The following GUCY1A2 variants were observed in gnomAD, a reference collection of about 807,000 sequenced individuals.
GUCY1A2 encodes the protein guanylate cyclase soluble subunit alpha-2.
Under a neutral mutation model 63.5 loss-of-function variants are expected in GUCY1A2, and 27 were observed. The ratio of observed to expected loss-of-function variants is 0.43; its 90% CI spans 0.31 to 0.59. The LOEUF (loss-of-function observed/expected upper bound fraction) is 0.59, where lower values mean the gene tolerates loss of function less well. GUCY1A2 is among the 20% of genes least tolerant of loss of function. The pLI, the probability that GUCY1A2 is intolerant of heterozygous loss-of-function variation, is 0.11. For synonymous variants in GUCY1A2, 364 were observed against 343.5 expected, an observed-to-expected ratio of 1.06 and a Z score of -0.66; for missense variants, 768 against 913.3, an observed-to-expected ratio of 0.84 and a Z score of 2.05.
intron 7 of GUCY1A2, among the ~76,000 whole-genome samples, chr11:106,698,831 G>A (rs910844990): frequency 6.6e-6 from 1 of 152,074 alleles, no homozygotes; most frequent in Non-Finnish European, 1.5e-5. Flanking sequence ...GGCAGAACAG[G>A]AATATGAAAT....
intron 4 of GUCY1A2, among the ~76,000 whole-genome samples, chr11:106,913,849 A>G (rs901744833): frequency 6.6e-6 from 1 of 152,052 alleles, no homozygotes; most frequent in Non-Finnish European, 1.5e-5. Flanking sequence ...CTTATGCTTG[A>G]AGGCCAAAGT....
chr11:106,878,737 T>C (rs1859784514), intron 4 of GUCY1A2, among the ~76,000 whole-genome samples: 1 of 150,476 alleles, frequency 6.6e-6, no homozygotes, highest in African/African-American at 2.5e-5. Flanking sequence ...TGATATGAGT[T>C]TACCTATATA....
intron 6 of GUCY1A2, among the ~76,000 whole-genome samples, chr11:106,756,389 C>T (rs1292813028): frequency 6.6e-6 from 1 of 152,080 alleles, no homozygotes; most frequent in Non-Finnish European, 1.5e-5. Context: ...ATTTTGTCCT[C>T]ATGATGCTAG....
intron 4 of GUCY1A2, among the ~76,000 whole-genome samples, chr11:106,817,233 T>C (rs1160719648): frequency 3.3e-5 from 5 of 152,082 alleles, no homozygotes; most frequent in African/African-American, 9.7e-5. Flanking sequence ...ACAATCACAA[T>C]ATGAATTTTC....
intron 5 of GUCY1A2, among the ~76,000 whole-genome samples, chr11:106,789,562 C>G (rs1404488342): frequency 6.6e-6 from 1 of 152,154 alleles, no homozygotes; most frequent in Non-Finnish European, 1.5e-5. Flanking sequence ...TCACTTGTGT[C>G]TGTGCATGAA....
intron 6 of GUCY1A2, among the ~76,000 whole-genome samples, chr11:106,752,592 A>T (rs1017995733): frequency 6.6e-6 from 1 of 151,552 alleles, no homozygotes; most frequent in Non-Finnish European, 1.5e-5. Context: ...ACTCCCACTT[A>T]TGAGTGAGAA....
chr11:106,729,243 G>T (rs1863458865), intron 6 of GUCY1A2, among the ~76,000 whole-genome samples: 2 of 152,252 alleles, frequency 1.3e-5, no homozygotes, highest in East Asian at 3.9e-4. Context: ...GAAGCTAGAA[G>T]GAAGAATTGG....
chr11:107,017,566 C>A (rs1861840741), intron 1 of GUCY1A2, among the ~76,000 whole-genome samples, 187 bp downstream of exon 1: 1 of 152,080 alleles, frequency 6.6e-6, no homozygotes, highest in Admixed American at 6.5e-5. Context: ...GCTGTAGTCC[C>A]CTCTTCCGCC....
chr11:106,859,206 G>T (rs1344817379), intron 4 of GUCY1A2, among the ~76,000 whole-genome samples: 1 of 151,944 alleles, frequency 6.6e-6, no homozygotes, highest in Non-Finnish European at 1.5e-5. Flanking sequence ...GCACCAAACT[G>T]TGAACCAAGA....
intron 4 of GUCY1A2, among the ~76,000 whole-genome samples, chr11:106,826,111 A>G (rs1057397070): frequency 1.3e-5 from 2 of 152,226 alleles, no homozygotes; most frequent in African/African-American, 4.8e-5. Flanking sequence ...CTCCAAAGCT[A>G]AATCACAAGT....
chr11:106,794,917 C>G (rs1046142689), intron 5 of GUCY1A2, among the ~76,000 whole-genome samples: 3 of 152,158 alleles, frequency 2.0e-5, no homozygotes, highest in African/African-American at 7.2e-5. Context: ...GACATTCTCT[C>G]TGATCTTGGT....
At chr11:107,013,343 C>T (rs1173236041) in intron 1 of GUCY1A2, among the ~76,000 whole-genome samples, 1 of 152,126 alleles carries the variant, frequency 6.6e-6, no homozygotes, top group Non-Finnish European at 1.5e-5. Context: ...CACCAGCAAA[C>T]CCAAAATTGA....
At chr11:106,705,289 T>G (rs1415214481) in intron 7 of GUCY1A2, among the ~76,000 whole-genome samples, 1 of 152,172 alleles carries the variant, frequency 6.6e-6, no homozygotes, top group Non-Finnish European at 1.5e-5. Flanking sequence ...AAGGGACTTT[T>G]GTTAATAAAA....
chr11:106,845,755 A>C (rs1478619778), intron 4 of GUCY1A2, among the ~76,000 whole-genome samples: 2 of 151,644 alleles, frequency 1.3e-5, no homozygotes, highest in Non-Finnish European at 3.0e-5. Context: ...TGCCAACACG[A>C]ATACAATTGA....
intron 1 of GUCY1A2, among the ~76,000 whole-genome samples, chr11:106,988,802 C>T (rs1382223597): frequency 1.3e-5 from 2 of 152,124 alleles, no homozygotes; most frequent in African/African-American, 4.8e-5. Flanking sequence ...CAGCCCTGGC[C>T]CCTCCGAATA....
chr11:106,705,027 T>C (rs1862884228), intron 7 of GUCY1A2, among the ~76,000 whole-genome samples: 1 of 151,942 alleles, frequency 6.6e-6, no homozygotes, highest in African/African-American at 2.4e-5. Flanking sequence ...AACACATTTA[T>C]TGAAGAAAAA....
intron 4 of GUCY1A2, among the ~76,000 whole-genome samples, chr11:106,928,611 C>G (rs1215228600): frequency 6.6e-6 from 1 of 152,102 alleles, no homozygotes; most frequent in African/African-American, 2.4e-5. Flanking sequence ...CTCAGAAGCA[C>G]ACTGTTGGGC....
At chr11:106,695,440 T>C (rs759146474) in intron 7 of GUCY1A2, among the ~76,000 whole-genome samples, 7 of 152,204 alleles carry the variant, frequency 4.6e-5, no homozygotes, top group Non-Finnish European at 7.4e-5. Context: ...TGTAATAGCA[T>C]TGGGCACTGC....
chr11:106,940,979 C>T (rs543834683), intron 3 of GUCY1A2, among the ~76,000 whole-genome samples: 1 of 152,198 alleles, frequency 6.6e-6, no homozygotes, highest in East Asian at 1.9e-4. Context: ...ATCTATGGCA[C>T]ATGAATGGGG....
Sources: gnomAD v4.1 joint callset for allele counts (sites outside exome capture counted in the v4.1 genomes callset) on GRCh38, gnomAD v4.1.1 for gene constraint, MANE v1.5 for transcripts, NCBI Gene and HGNC (gene_info 2026-07-23, HGNC 2026-07-21) for gene names.